The following SLC25A21 variants were observed in gnomAD, a reference collection of about 807,000 sequenced individuals.
SLC25A21 encodes solute carrier family 25 member 21.
Under a neutral mutation model 43.8 loss-of-function variants are expected in SLC25A21, and 47 were observed. That is an observed-to-expected ratio of 1.07 (90% CI 0.85 to 1.37). The LOEUF is 1.37. Ranked by LOEUF, SLC25A21 falls within the 40% of genes most tolerant of loss-of-function variation. The pLI is 0.00. For missense variants in SLC25A21, 352 were observed against 350.2 expected (o/e 1.00, Z -0.04); for synonymous variants, 131 against 121.3 (o/e 1.08, Z -0.52).
intron 3 of SLC25A21, among the ~76,000 whole-genome samples, chr14:36,753,947 G>GAGAGAGAGAA (rs1885818829): frequency 6.9e-6 from 1 of 145,934 alleles, no homozygotes; most frequent in Admixed American, 6.8e-5. Flanking sequence ...GAGAGAGAGA[G>GAGAGAGAGAA]AGAGAGAGAG....
intron 1 of SLC25A21, among the ~76,000 whole-genome samples, chr14:37,040,489 A>G (rs1047970915): frequency 6.6e-6 from 1 of 151,954 alleles, no homozygotes; most frequent in African/African-American, 2.4e-5. Flanking sequence ...CAGCAGTTCT[A>G]TGTTGACTGG....
chr14:37,076,409 G>A (rs1962282029), intron 1 of SLC25A21, among the ~76,000 whole-genome samples: 1 of 152,072 alleles, frequency 6.6e-6, no homozygotes, highest in Non-Finnish European at 1.5e-5. Context: ...CTGAGCTCAG[G>A]TGATCTGCCC....
chr14:36,839,846 T>C (rs979939773), intron 2 of SLC25A21, among the ~76,000 whole-genome samples: 50 of 152,246 alleles, frequency 3.3e-4, no homozygotes, highest in African/African-American at 1.2e-3. Context: ...CTGGATATTG[T>C]AGGCAATTGT....
intron 2 of SLC25A21, among the ~76,000 whole-genome samples, chr14:36,833,011 C>A (rs953896853): frequency 1.3e-5 from 2 of 152,124 alleles, no homozygotes; most frequent in African/African-American, 4.8e-5. Context: ...AGAGGTAAAA[C>A]TTCCACAGAA....
At chr14:36,777,271 C>CA (rs1179489696) in intron 3 of SLC25A21, among the ~76,000 whole-genome samples, 2 of 151,922 alleles carry the variant, frequency 1.3e-5, no homozygotes, top group Non-Finnish European at 2.9e-5. Context: ...AAAACAAAAA[C>CA]AAAAAACACA....
chr14:36,816,330 G>A (rs1888453701), intron 2 of SLC25A21, among the ~76,000 whole-genome samples: 1 of 152,070 alleles, frequency 6.6e-6, no homozygotes. Context: ...ATTAGAAAGG[G>A]AGTATGGCAG....
At chr14:36,742,132 A>G (rs1207556610) in intron 3 of SLC25A21, among the ~76,000 whole-genome samples, 1 of 152,172 alleles carries the variant, frequency 6.6e-6, no homozygotes, top group Non-Finnish European at 1.5e-5. Flanking sequence ...CATTTTCTCC[A>G]AATTATACTG....
intron 1 of SLC25A21, among the ~76,000 whole-genome samples, chr14:37,152,014 G>A (rs866471114): frequency 6.6e-6 from 1 of 152,060 alleles, no homozygotes; most frequent in South Asian, 2.1e-4. Flanking sequence ...CAGTGTGGGC[G>A]ACAGAGAGAA....
intron 1 of SLC25A21, among the ~76,000 whole-genome samples, chr14:37,118,599 T>C (rs1460625505): frequency 1.3e-5 from 2 of 152,230 alleles, no homozygotes; most frequent in African/African-American, 2.4e-5. Context: ...TTATTGATAA[T>C]AGTCCAACTT....
intron 1 of SLC25A21, among the ~76,000 whole-genome samples, chr14:37,108,534 T>C (rs959842694): frequency 2.0e-5 from 3 of 152,200 alleles, no homozygotes; most frequent in Non-Finnish European, 4.4e-5. Flanking sequence ...TGTTTTGTTA[T>C]TTAAAATACA....
chr14:37,067,025 C>T (rs1319662369), intron 1 of SLC25A21, among the ~76,000 whole-genome samples: 1 of 151,804 alleles, frequency 6.6e-6, no homozygotes, highest in Non-Finnish European at 1.5e-5. Flanking sequence ...GAATACAGTA[C>T]AGTGGGGAAA....
intron 2 of SLC25A21, among the ~76,000 whole-genome samples, chr14:36,866,189 G>C (rs1890209202): frequency 6.6e-6 from 1 of 152,086 alleles, no homozygotes; most frequent in Non-Finnish European, 1.5e-5. Flanking sequence ...ATGTTGCCTA[G>C]GCTGCTCTCA....
At chr14:36,823,185 A>G (rs1307250290) in intron 2 of SLC25A21, among the ~76,000 whole-genome samples, 5 of 152,164 alleles carry the variant, frequency 3.3e-5, no homozygotes, top group Admixed American at 1.3e-4. Context: ...TATGCTAGTT[A>G]ACAAGTCAGA....
At chr14:36,932,538 T>C (rs1892321504) in intron 1 of SLC25A21, among the ~76,000 whole-genome samples, 1 of 152,160 alleles carries the variant, frequency 6.6e-6, no homozygotes, top group African/African-American at 2.4e-5. Context: ...CTGGGCATCA[T>C]ATTAGGTGCT....
chr14:37,096,833 G>T (rs943727478), intron 1 of SLC25A21, among the ~76,000 whole-genome samples: 3 of 151,962 alleles, frequency 2.0e-5, no homozygotes, highest in African/African-American at 7.3e-5. Context: ...CGTCTGAGAG[G>T]TCTCATATCT....
rs560325564 is a variant in SLC25A21, at chr14:37,021,187, A to G, written c.71-146183T>C. On this transcript the variant is annotated intron_variant, in intron 1 of 9. Transcript: ENST00000331299. ...ATTGTGATGATGACTGCTGGATGCAAATAGGGTTCCACTACATTGTTATAT... is the reference window on the plus strand; with the variant it reads ...ATTGTGATGATGACTGCTGGATGCAGATAGGGTTCCACTACATTGTTATAT... 2.0e-5 allele frequency among the ~76,000 whole-genome samples: 3 copies of G among 151,978 alleles called. No homozygotes were observed. In the South Asian group the frequency reaches 6.2e-4, roughly 31 times the overall value.
intron 7 of SLC25A21, among the ~76,000 whole-genome samples, chr14:36,706,874 C>T (rs914106540): frequency 3.9e-5 from 6 of 152,144 alleles, no homozygotes; most frequent in Non-Finnish European, 7.3e-5. Flanking sequence ...CATCCCCACC[C>T]CATCCAGAGT....
At chr14:36,973,575 G>A (rs1959802978) in intron 1 of SLC25A21, among the ~76,000 whole-genome samples, 1 of 152,234 alleles carries the variant, frequency 6.6e-6, no homozygotes, top group Admixed American at 6.5e-5. Flanking sequence ...ACAGATTTGA[G>A]CTCAAGAGAG....
intron 1 of SLC25A21, among the ~76,000 whole-genome samples, chr14:36,918,139 G>C (rs1001992330): frequency 1.3e-5 from 2 of 152,152 alleles, no homozygotes; most frequent in Admixed American, 1.3e-4. Flanking sequence ...ACCTCCTTAA[G>C]TTCCTACCCT....
Sources: allele counts gnomAD v4.1 joint callset (sites outside exome capture counted in the v4.1 genomes callset), GRCh38; gene constraint gnomAD v4.1.1; transcripts MANE v1.5; gene names NCBI Gene and HGNC (gene_info 2026-07-23, HGNC 2026-07-21).